The following TUT4 variants were observed in gnomAD, a reference collection of about 807,000 sequenced individuals.
The protein encoded by TUT4 is terminal uridylyltransferase 4.
In TUT4, 36 loss-of-function variants were observed where a neutral mutation model predicts 192.2. The observed-to-expected ratio is 0.19, with a 90% CI of 0.14 to 0.25. TUT4 has a LOEUF of 0.25. Ranked by LOEUF, TUT4 falls within the 10% of genes least tolerant of loss-of-function variation. The pLI, the probability that TUT4 is intolerant of heterozygous loss-of-function variation, is 1.00. For synonymous variants in TUT4, 618 were observed against 666.0 expected (o/e 0.93, Z 1.11); for missense variants, 1,493 against 1,957.2 (o/e 0.76, Z 4.47).
At chr1:52,457,393 G>A (rs1002794722) in intron 20 of TUT4, among the ~76,000 whole-genome samples, 3 of 151,934 alleles carry the variant, frequency 2.0e-5, no homozygotes, top group Non-Finnish European at 4.4e-5. Flanking sequence ...GCACCACCAC[G>A]CCCGGCTAAT....
chr1:52,547,823 A>G (rs1292939806), intron 1 of TUT4, among the ~76,000 whole-genome samples: 1 of 152,234 alleles, frequency 6.6e-6, no homozygotes, highest in Non-Finnish European at 1.5e-5. Flanking sequence ...CTAGAGACGT[A>G]GCTTAGTGCT....
intron 1 of TUT4, among the ~76,000 whole-genome samples, chr1:52,537,464 C>A (rs370332852): frequency 1.3e-5 from 2 of 152,148 alleles, no homozygotes; most frequent in East Asian, 3.8e-4. Flanking sequence ...CACCTAACAA[C>A]AGTGACCTAA....
intron 1 of TUT4, among the ~76,000 whole-genome samples, chr1:52,547,118 C>G (rs2149749585): frequency 6.7e-6 from 1 of 149,856 alleles, no homozygotes; most frequent in African/African-American, 2.5e-5. Flanking sequence ...ATGTTCACGC[C>G]ACTGCACTTC....
intron 1 of TUT4, among the ~76,000 whole-genome samples, chr1:52,534,397 C>T (rs1199674006): frequency 6.6e-6 from 1 of 152,166 alleles, no homozygotes; most frequent in Non-Finnish European, 1.5e-5. Flanking sequence ...TTCTGGTCTC[C>T]ATATGCTTCC....
Position 52,525,629 on chromosome 1 carries a change from A to G in TUT4, c.652T>C (p.Cys218Arg). The change falls in exon 2 of 30, where the codon TGT becomes CGT. Residue 218 changes from cysteine (C) to arginine (R), a missense_variant. Coordinates refer to ENST00000257177, the MANE Select transcript of TUT4 (RefSeq NM_001009881.3). ...NSPRSQKQQTCTDNTGDSDDS... is the reference protein window; with the variant it reads ...NSPRSQKQQTRTDNTGDSDDS... The stretch of plus-strand genomic sequence containing the variant: ...TCAGAATCACCAGTATTATCTGTAC[A>G]TGTCTGTTGCTTCTGAGATCGTGGT... The G allele has an allele frequency of 1.2e-6, 2 of 1,614,184 alleles. No homozygotes were observed. Among genetic ancestry groups the G allele is most frequent in the Non-Finnish European group, 1.7e-6 (2 of 1,180,034 alleles).
chr1:52,425,450 T>A lies in TUT4; in HGVS notation c.4769A>T (p.His1590Leu). Reference sequence around the variant, plus strand: ...CCACGAAGCTGGGACAAGGGGGAAATGGGGACGCGGTGCATGTTCCCAAGG... The same window carrying A: ...CCACGAAGCTGGGACAAGGGGGAAAAGGGGACGCGGTGCATGTTCCCAAGG... ...PIPWEHAPRP[H>L]FPLVPASWPY... The change falls in exon 29 of 30, where the codon CAT becomes CTT. Residue 1590 changes from histidine (H) to leucine (L), a missense_variant. Physicochemically the swap from His to Leu is moderately conservative, Grantham distance 99. Around this residue, in one of 7 missense-constraint regions of TUT4, gnomAD observed 351 missense variants for 397.8 expected, o/e 0.88. Coordinates refer to ENST00000257177, the MANE Select transcript of TUT4 (RefSeq NM_001009881.3). 6.2e-7 allele frequency: 1 copy of A among 1,613,994 alleles called. No homozygotes were observed. Among genetic ancestry groups the A allele is most frequent in the Non-Finnish European group, 8.5e-7 (1 of 1,179,964 alleles).
intron 1 of TUT4, among the ~76,000 whole-genome samples, chr1:52,534,698 A>C (rs1571392275): frequency 6.6e-6 from 1 of 151,650 alleles, no homozygotes; most frequent in African/African-American, 2.4e-5. Context: ...ACAAAAAAAA[A>C]AAAAACAAAC....
chr1:52,425,580 A>G (rs1649603776), intron 28 of TUT4, 73 bp from the exon 29 acceptor site: 7 of 1,491,340 alleles, frequency 4.7e-6, no homozygotes, highest in Non-Finnish European at 5.4e-6. Context: ...TTCATTCCAC[A>G]AAGATATATT....
chr1:52,461,447 TAG>T (rs780778488), intron 18 of TUT4, 64 bp downstream of exon 18: 113 of 1,448,126 alleles, frequency 7.8e-5, no homozygotes, highest in Non-Finnish European at 1.1e-4. Context: ...GTTTTAAACA[TAG>T]AGTCAGTAAT....
At chr1:52,465,003 C>T (rs1663723712) in intron 16 of TUT4, 67 bp downstream of exon 16, 1 of 1,269,282 alleles carries the variant, frequency 7.9e-7, no homozygotes, top group Non-Finnish European at 1.1e-6. Context: ...ATATCACATA[C>T]AAAAATAAAC....
chr1:52,500,047 G>A (rs2149203321), intron 4 of TUT4, among the ~76,000 whole-genome samples: 1 of 150,570 alleles, frequency 6.6e-6, no homozygotes, highest in East Asian at 2.0e-4. Flanking sequence ...GCTTGAACCA[G>A]GGAGGTGGAG....
At chr1:52,530,491 T>G (rs997788673) in intron 1 of TUT4, among the ~76,000 whole-genome samples, 1 of 152,148 alleles carries the variant, frequency 6.6e-6, no homozygotes, top group Non-Finnish European at 1.5e-5. Flanking sequence ...AACAATCCAA[T>G]TACACTCTTT....
In TUT4 at chr1:52,525,549, A is replaced by C. The variant is rs1681531328; in HGVS notation, c.718+14T>G. ...AACATTAATATACAAAAATCCCTCCAAAAAATGACTTACTTAAATCGTCCG... is the reference window on the plus strand; with the variant it reads ...AACATTAATATACAAAAATCCCTCCCAAAAATGACTTACTTAAATCGTCCG... On this transcript the variant is annotated intron_variant, in intron 2 of 29. Transcript: ENST00000257177. The C allele has an allele frequency of 6.3e-7, 1 of 1,589,312 alleles. No individual in the cohort carries two copies. The highest frequency in any genetic ancestry group is 1.4e-5 in the African/African-American group (1 of 73,864).
chr1:52,453,449 C>T (rs1660029155), intron 20 of TUT4, among the ~76,000 whole-genome samples: 2 of 150,436 alleles, frequency 1.3e-5, no homozygotes, highest in South Asian at 4.2e-4. Flanking sequence ...TAACCCATCA[C>T]ATCAACAGGC....
chr1:52,453,025 A>C (rs1278591901), intron 20 of TUT4, among the ~76,000 whole-genome samples: 3 of 150,776 alleles, frequency 2.0e-5, no homozygotes, highest in Non-Finnish European at 4.4e-5. Flanking sequence ...TATGGGGAAA[A>C]CCCCCCCAAC....
intron 9 of TUT4, among the ~76,000 whole-genome samples, chr1:52,485,195 T>C (rs1327367417): frequency 6.6e-6 from 1 of 152,222 alleles, no homozygotes; most frequent in Admixed American, 6.5e-5. Flanking sequence ...TCTTTGTTAT[T>C]AAATCTCTTC....
chr1:52,534,857 C>T (rs556159967), intron 1 of TUT4: 1 of 152,130 alleles, frequency 6.6e-6, no homozygotes, highest in South Asian at 2.1e-4. Context: ...TGCAACACCC[C>T]GTCCCCAAAA....
At chr1:52,522,839 T>A (rs1048220428) in intron 2 of TUT4, among the ~76,000 whole-genome samples, 1 of 151,914 alleles carries the variant, frequency 6.6e-6, no homozygotes, top group Non-Finnish European at 1.5e-5. Flanking sequence ...GGTAGGAGAA[T>A]CGCTTGAACT....
chr1:52,525,290 ATG>A (rs1335961252), intron 2 of TUT4, among the ~76,000 whole-genome samples: 1 of 152,174 alleles, frequency 6.6e-6, no homozygotes, highest in South Asian at 2.1e-4. Flanking sequence ...GTGTACGAGC[ATG>A]TGTGTACCAA....
Sources: allele counts gnomAD v4.1 joint callset (sites outside exome capture counted in the v4.1 genomes callset), GRCh38; gene constraint gnomAD v4.1.1; regional missense constraint gnomAD v4.1.1; transcripts MANE v1.5; gene names NCBI Gene and HGNC (gene_info 2026-07-23, HGNC 2026-07-21).